The following SGCZ variants were observed in gnomAD, a reference collection of about 807,000 sequenced individuals.
SGCZ encodes the protein zeta-sarcoglycan.
Under a neutral mutation model 41.3 loss-of-function variants are expected in SGCZ, and 40 were observed. The ratio of observed to expected loss-of-function variants is 0.97; its 90% CI spans 0.75 to 1.26. SGCZ has a LOEUF of 1.26. SGCZ is among the 50% of genes most tolerant of loss of function. SGCZ has a pLI of 0.00. For missense variants in SGCZ, 552 were observed against 369.8 expected, an observed-to-expected ratio of 1.49 and a Z score of -4.04; for synonymous variants, 206 against 137.5, an observed-to-expected ratio of 1.50 and a Z score of -3.49.
intron 2 of SGCZ, among the ~76,000 whole-genome samples, chr8:14,422,782 T>C (rs1039223232): frequency 6.6e-6 from 1 of 152,216 alleles, no homozygotes; most frequent in Non-Finnish European, 1.5e-5. Flanking sequence ...TTAACACTAC[T>C]GTCAGCACTT....
At chr8:14,219,905 C>G (rs1806133949) in intron 4 of SGCZ, among the ~76,000 whole-genome samples, 1 of 152,138 alleles carries the variant, frequency 6.6e-6, no homozygotes, top group African/African-American at 2.4e-5. Context: ...AAATGCTTTT[C>G]AAGAGTTCTT....
chr8:14,453,142 T>C (rs1277560429), intron 2 of SGCZ, among the ~76,000 whole-genome samples: 1 of 152,082 alleles, frequency 6.6e-6, no homozygotes, highest in Non-Finnish European at 1.5e-5. Flanking sequence ...TCAGTAAATA[T>C]GTTATATACA....
chr8:15,151,133 A>T (rs1799169446), intron 1 of SGCZ, among the ~76,000 whole-genome samples: 1 of 152,232 alleles, frequency 6.6e-6, no homozygotes, highest in Non-Finnish European at 1.5e-5. Flanking sequence ...GTCTATTCAG[A>T]GGACTACTGC....
At chr8:14,302,167 T>A (rs191720711) in intron 3 of SGCZ, among the ~76,000 whole-genome samples, 2 of 152,252 alleles carry the variant, frequency 1.3e-5, no homozygotes, top group African/African-American at 4.8e-5. Flanking sequence ...TTTATTCAAA[T>A]ACACCTCTTA....
At chr8:14,619,823 C>T (rs544975976) in intron 1 of SGCZ, among the ~76,000 whole-genome samples, 2 of 152,204 alleles carry the variant, frequency 1.3e-5, no homozygotes, top group Non-Finnish European at 2.9e-5. Flanking sequence ...ATTCCATGCT[C>T]ATGTACAGGA....
chr8:14,703,697 G>A (rs147099737), intron 1 of SGCZ, among the ~76,000 whole-genome samples: 11 of 151,972 alleles, frequency 7.2e-5, no homozygotes, highest in Admixed American at 2.6e-4. Context: ...CAGTGTTTCC[G>A]GAAATACTGT....
In SGCZ at chr8:14,872,938, T is replaced by C. The variant is rs138065648; in HGVS notation, c.40-318012A>G. On this transcript the variant is annotated intron_variant, in intron 1 of 7. Coordinates refer to ENST00000382080, the MANE Select transcript of SGCZ (RefSeq NM_139167.4). ...GGACAAGTTTCACTGACTTGAGAGT[T>C]AGAAATAAAGCAGAAGTCAAACGTT... is the stretch of plus-strand genomic sequence containing the variant. Among the ~76,000 whole-genome samples the C allele has an allele frequency of 4.8e-3, 736 of 152,226 alleles. 4 individuals carry two copies. The highest frequency in any genetic ancestry group is 0.018 in the South Asian group (86 of 4,828).
At chr8:15,156,071 A>AAAAAAAAAAT (rs1799321654) in intron 1 of SGCZ, among the ~76,000 whole-genome samples, 1 of 151,654 alleles carries the variant, frequency 6.6e-6, no homozygotes, top group African/African-American at 2.4e-5. Context: ...AAAAAAAAAA[A>AAAAAAAAAAT]AAAATAGAAG....
intron 2 of SGCZ, among the ~76,000 whole-genome samples, chr8:14,494,832 A>C (rs993792797): frequency 2.6e-5 from 4 of 152,170 alleles, no homozygotes; most frequent in Non-Finnish European, 5.9e-5. Flanking sequence ...GATAGACATA[A>C]ACCTTACTAT....
chr8:14,168,417 T>C (rs1253852857), intron 4 of SGCZ, among the ~76,000 whole-genome samples: 1 of 152,168 alleles, frequency 6.6e-6, no homozygotes, highest in African/African-American at 2.4e-5. Context: ...CCACATATCA[T>C]GGGAGGGACC....
chr8:14,249,311 T>C (rs1172079152), intron 3 of SGCZ, among the ~76,000 whole-genome samples: 1 of 152,170 alleles, frequency 6.6e-6, no homozygotes, highest in Non-Finnish European at 1.5e-5. Flanking sequence ...GCCTTCATGT[T>C]TGGTTTAGCA....
intron 1 of SGCZ, among the ~76,000 whole-genome samples, chr8:14,968,984 T>A (rs1342140228): frequency 6.6e-6 from 1 of 152,136 alleles, no homozygotes; most frequent in East Asian, 1.9e-4. Flanking sequence ...CTTTACATAG[T>A]CAGTATCAGC....
chr8:14,620,036 A>G (rs1806231487), intron 1 of SGCZ, among the ~76,000 whole-genome samples: 1 of 152,190 alleles, frequency 6.6e-6, no homozygotes, highest in African/African-American at 2.4e-5. Context: ...CTGACTTCAA[A>G]CTATACTACA....
chr8:14,582,164 A>ATT (rs1371527449), intron 1 of SGCZ, among the ~76,000 whole-genome samples: 3 of 152,258 alleles, frequency 2.0e-5, no homozygotes, highest in Non-Finnish European at 2.9e-5. Flanking sequence ...GTAAGAATAT[A>ATT]TTATATATAT....
intron 1 of SGCZ, among the ~76,000 whole-genome samples, chr8:15,081,192 A>G (rs1372848758): frequency 3.3e-5 from 5 of 152,222 alleles, no homozygotes; most frequent in Admixed American, 6.5e-5. Flanking sequence ...TTTTAGGTCT[A>G]TGGTGGCTAA....
At chr8:14,358,772 G>A (rs778116793) in intron 2 of SGCZ, among the ~76,000 whole-genome samples, 15 of 151,802 alleles carry the variant, frequency 9.9e-5, no homozygotes, top group African/African-American at 1.7e-4. Context: ...CACCATGCCC[G>A]GCTAATTTTT....
intron 2 of SGCZ, among the ~76,000 whole-genome samples, chr8:14,362,979 C>T (rs1172367022): frequency 6.6e-6 from 1 of 152,052 alleles, no homozygotes; most frequent in Admixed American, 6.5e-5. Flanking sequence ...AATGACTTTA[C>T]AGATTTTTTT....
At chr8:14,391,516 G>C (rs142730218) in intron 2 of SGCZ, among the ~76,000 whole-genome samples, 94 of 152,168 alleles carry the variant, frequency 6.2e-4, no homozygotes, top group African/African-American at 2.1e-3. Flanking sequence ...TTTTCAGGCA[G>C]GGAGTACTAT....
Position 14,589,679 on chromosome 8 carries a change from T to C in SGCZ, c.40-34753A>G, listed in dbSNP as rs76667550. On this transcript the variant is annotated intron_variant, in intron 1 of 7. Transcript: ENST00000382080. ...TAGTTGCATTTAATTTGGAGGAACA[T>C]AGATATTTCCTTCAGTGGACTACAA... Among the ~76,000 whole-genome samples the C allele has an allele frequency of 2.5e-3, 387 of 152,318 alleles. 1 individual carries two copies. The highest frequency in any genetic ancestry group is 4.7e-3 in the Non-Finnish European group (322 of 68,032).
Sources: gnomAD v4.1 joint callset for allele counts (sites outside exome capture counted in the v4.1 genomes callset) on GRCh38, gnomAD v4.1.1 for gene constraint, MANE v1.5 for transcripts, NCBI Gene and HGNC (gene_info 2026-07-23, HGNC 2026-07-21) for gene names.